STK39: variants seen among roughly 807,000 people sequenced by gnomAD.
STK39 encodes the protein serine/threonine kinase 39.
In STK39, 20 loss-of-function variants were observed where a neutral mutation model predicts 77.8. That is an observed-to-expected ratio of 0.26 (90% CI 0.18 to 0.37). STK39 has a LOEUF of 0.37. STK39 is among the 10% of genes least tolerant of loss of function. The pLI, the probability that STK39 is intolerant of heterozygous loss-of-function variation, is 1.00. For missense variants in STK39, 479 were observed against 656.5 expected (o/e 0.73, Z 2.95); for synonymous variants, 246 against 234.1 (o/e 1.05, Z -0.47).
intron 14 of STK39, among the ~76,000 whole-genome samples, chr2:168,040,451 G>A (rs1158441579): frequency 1.3e-5 from 2 of 152,168 alleles, no homozygotes; most frequent in African/African-American, 4.8e-5. Context: ...TTTTCGCTAA[G>A]TTCTCAAGTG....
At chr2:167,955,708 C>T (rs74969437) in intron 17 of STK39, 138 bp from the exon 18 acceptor site, 51,862 of 758,170 alleles carry the variant, frequency 0.068, 2,285 homozygotes, top group Middle Eastern at 0.12. Flanking sequence ...AGAAGAGAGA[C>T]GCCAGCCACT....
At position 168,195,647 on chromosome 2, in the gene STK39, G is replaced by C. The variant is rs1247524616; in HGVS notation, c.209-13557C>G. Among the ~76,000 whole-genome samples the C allele has an allele frequency of 2.0e-5, 3 of 152,206 alleles. No individual in the cohort carries two copies. In the East Asian group the frequency reaches 5.8e-4, roughly 29 times the overall value. ...CTGATGTGTCAATTAGCTGCACTTT[G>C]TTACATGCCAAAGATAATACTTAAG... On this transcript the variant is annotated intron_variant, in intron 1 of 17. Transcript: ENST00000355999.
intron 10 of STK39, chr2:168,113,112 G>A (rs1687163948): frequency 6.6e-6 from 1 of 152,138 alleles, no homozygotes; most frequent in Admixed American, 6.5e-5. Context: ...TGTCTAAATA[G>A]AAACTCTCCA....
intron 14 of STK39, among the ~76,000 whole-genome samples, chr2:168,037,142 C>A (rs1175415993): frequency 6.6e-6 from 1 of 152,142 alleles, no homozygotes; most frequent in Admixed American, 6.5e-5. Flanking sequence ...CGTGGAAACC[C>A]TGTAACTACC....
chr2:168,097,103 A>G (rs896820695), intron 10 of STK39, among the ~76,000 whole-genome samples: 2 of 152,234 alleles, frequency 1.3e-5, no homozygotes, highest in African/African-American at 4.8e-5. Context: ...ACTTTTACCA[A>G]CACTCTGAAA....
intron 2 of STK39, among the ~76,000 whole-genome samples, chr2:168,180,613 A>T (rs1392445149): frequency 2.0e-5 from 3 of 152,110 alleles, no homozygotes; most frequent in Non-Finnish European, 4.4e-5. Flanking sequence ...AACTCTCCCC[A>T]CAGTTTATAA....
At chr2:168,012,521 A>AGAATTCTTCTT in intron 16 of STK39, 113 bp downstream of exon 16, 10 of 810,724 alleles carry the variant, frequency 1.2e-5, no homozygotes, top group African/African-American at 1.8e-5. Flanking sequence ...GAATTCAAGA[A>AGAATTCTTCTT]GAATTCTTCA....
chr2:167,978,673 A>G (rs887495938), intron 16 of STK39, among the ~76,000 whole-genome samples: 1 of 152,206 alleles, frequency 6.6e-6, no homozygotes, highest in African/African-American at 2.4e-5. Flanking sequence ...TCTGAGTATG[A>G]ACATGTGTAC....
At chr2:168,168,850 G>C (rs1387295874) in intron 2 of STK39, among the ~76,000 whole-genome samples, 1 of 152,124 alleles carries the variant, frequency 6.6e-6, no homozygotes. Flanking sequence ...GAGTGTGGTG[G>C]TGTGCGCCTG....
intron 16 of STK39, among the ~76,000 whole-genome samples, chr2:168,000,896 G>C (rs937635619): frequency 1.3e-5 from 2 of 152,304 alleles, no homozygotes; most frequent in South Asian, 4.1e-4. Flanking sequence ...GAATCTGATG[G>C]TCTGATTTTG....
At chr2:168,214,640 T>C (rs1270108011) in intron 1 of STK39, among the ~76,000 whole-genome samples, 1 of 152,094 alleles carries the variant, frequency 6.6e-6, no homozygotes, top group Non-Finnish European at 1.5e-5. Context: ...GGATTACACC[T>C]CAGAAAAAGA....
intron 17 of STK39, among the ~76,000 whole-genome samples, chr2:167,962,161 C>A (rs1692000804): frequency 6.6e-6 from 1 of 152,066 alleles, no homozygotes; most frequent in Non-Finnish European, 1.5e-5. Flanking sequence ...ATGAAAGGCA[C>A]TGAGATGAAA....
chr2:168,120,397 C>T (rs1171650930), intron 10 of STK39, among the ~76,000 whole-genome samples: 3 of 152,210 alleles, frequency 2.0e-5, no homozygotes, highest in African/African-American at 7.2e-5. Flanking sequence ...TACCAAAGCG[C>T]TTATTCTCTA....
chr2:168,037,381 T>C (rs1036219197), intron 14 of STK39, among the ~76,000 whole-genome samples: 1 of 152,232 alleles, frequency 6.6e-6, no homozygotes, highest in African/African-American at 2.4e-5. Flanking sequence ...TTGAGAGAGT[T>C]GTTTGGCAAT....
chr2:168,050,853 C>T (rs765357241), intron 14 of STK39, among the ~76,000 whole-genome samples: 15 of 152,154 alleles, frequency 9.9e-5, no homozygotes, highest in African/African-American at 3.6e-4. Flanking sequence ...TGAAATTCAC[C>T]GGACAGCAGA....
At chr2:167,993,465 T>C (rs934580460) in intron 16 of STK39, among the ~76,000 whole-genome samples, 10 of 152,196 alleles carry the variant, frequency 6.6e-5, no homozygotes, top group African/African-American at 2.4e-4. Context: ...AGCGGGAGGA[T>C]CGCTTGAGGC....
intron 16 of STK39, among the ~76,000 whole-genome samples, chr2:167,998,594 G>A (rs1285361788): frequency 6.6e-6 from 1 of 150,578 alleles, no homozygotes; most frequent in Non-Finnish European, 1.5e-5. Flanking sequence ...TAAAGAAGAT[G>A]CCCGTGATTA....
intron 10 of STK39, among the ~76,000 whole-genome samples, chr2:168,090,472 AAAAGT>A (rs1686489666): frequency 6.6e-6 from 1 of 152,210 alleles, no homozygotes; most frequent in South Asian, 2.1e-4. Context: ...GAAGAAAAAG[AAAAGT>A]AAAGAGGACT....
chr2:168,246,444 C>T (rs1371786996), intron 1 of STK39, among the ~76,000 whole-genome samples: 1 of 152,248 alleles, frequency 6.6e-6, no homozygotes, highest in African/African-American at 2.4e-5. Flanking sequence ...AGATCACCGG[C>T]AGCCTCGGAT....
Sources: allele counts gnomAD v4.1 joint callset (sites outside exome capture counted in the v4.1 genomes callset), GRCh38; gene constraint gnomAD v4.1.1; transcripts MANE v1.5; gene names NCBI Gene and HGNC (gene_info 2026-07-23, HGNC 2026-07-21).